The following NUP214 variants were observed in gnomAD, a reference collection of about 807,000 sequenced individuals.
The protein encoded by NUP214 is nucleoporin 214.
NUP214 carries 79 observed loss-of-function variants against 196.2 expected under a neutral mutation model. That is an observed-to-expected ratio of 0.40 (90% CI 0.34 to 0.49). The LOEUF (loss-of-function observed/expected upper bound fraction) is 0.49. NUP214 is among the 20% of genes least tolerant of loss of function. The probability of loss-of-function intolerance (pLI) is 0.58; values close to 1 mark genes in which losing one functional copy is unlikely to be tolerated. For missense variants in NUP214, 2,468 were observed against 2,539.0 expected, an observed-to-expected ratio of 0.97 and a Z score of 0.60; for synonymous variants, 1,020 against 990.5, an observed-to-expected ratio of 1.03 and a Z score of -0.56.
At position 131,159,498 on chromosome 9, in the gene NUP214, C is replaced by A; in HGVS notation, c.2540+12C>A. ...AAGAAAAAACAAAGGTGAATGAGAT[C>A]TCTCATCTGCAATGTGTTGGAATAG... On this transcript the variant is annotated intron_variant, in intron 18 of 35. Coordinates refer to ENST00000359428, the MANE Select transcript of NUP214 (RefSeq NM_005085.4). 6.4e-7 allele frequency: 1 copy of A among 1,560,690 alleles called. No individual in the cohort carries two copies. The highest frequency in any genetic ancestry group is 8.8e-7 in the Non-Finnish European group (1 of 1,131,756).
chr9:131,171,316 A>T (rs868478001), intron 21 of NUP214, among the ~76,000 whole-genome samples: 1 of 152,222 alleles, frequency 6.6e-6, no homozygotes, highest in Non-Finnish European at 1.5e-5. Flanking sequence ...TGGAGGTTAC[A>T]TAGTTATTCC....
At chr9:131,132,548 G>A (rs1311940448) in intron 5 of NUP214, 48 bp from the exon 6 acceptor site, 1 of 1,507,284 alleles carries the variant, frequency 6.6e-7, no homozygotes, top group Non-Finnish European at 9.2e-7. Context: ...GATTGGTTTA[G>A]GATTTGTTTC....
At chr9:131,144,160 T>C in intron 11 of NUP214, 120 bp from the exon 12 acceptor site, 1 of 811,296 alleles carries the variant, frequency 1.2e-6, no homozygotes, top group Non-Finnish European at 2.0e-6. Flanking sequence ...TCTTTTTGCT[T>C]CTTAAACTAG....
intron 24 of NUP214, among the ~76,000 whole-genome samples, chr9:131,185,553 T>C (rs1340913833): frequency 1.3e-5 from 2 of 152,368 alleles, no homozygotes; most frequent in East Asian, 3.9e-4. Context: ...ACCTAAGATA[T>C]GGATACTTCT....
chr9:131,215,892 A>G (rs1291926783), intron 31 of NUP214, among the ~76,000 whole-genome samples: 1 of 146,724 alleles, frequency 6.8e-6, no homozygotes, highest in Non-Finnish European at 1.5e-5. Flanking sequence ...TACTTTCTTT[A>G]GCTAATTTTT....
In NUP214 at chr9:131,178,366, G is replaced by T; in HGVS notation, c.3375G>T (p.Val1125=). Residue 1125 remains valine, a synonymous_variant, in exon 24 of 36, where the codon GTG becomes GTT. Coordinates refer to ENST00000359428, the MANE Select transcript of NUP214 (RefSeq NM_005085.4). ...AGAATGTCCCTCAAGTGGTAAATGT[G>T]CAGGAATTGAAGAATAACCCTGCAA... ...TLKNVPQVVN[V]QELKNNPATP... 1 of 1,614,068 alleles carries T rather than the reference G, an allele frequency of 6.2e-7. No individual in the cohort carries two copies. The highest frequency in any genetic ancestry group is 8.5e-7 in the Non-Finnish European group (1 of 1,179,944).
At chr9:131,165,097 G>A (rs1832750479) in intron 21 of NUP214, 1 of 152,114 alleles carries the variant, frequency 6.6e-6, no homozygotes, top group South Asian at 2.1e-4. Context: ...CTCTTGGTAG[G>A]TAATTGGGAA....
Position 131,184,133 on chromosome 9 carries a change from C to T in NUP214, c.3420-3156C>T, listed in dbSNP as rs528582608. On this transcript the variant is annotated intron_variant, in intron 24 of 35. Transcript: ENST00000359428. ...CCAACCTCCGCCTCTCAGGTTCAAG[C>T]GATTCTCCTGCCTCAGCCTCCTGAG... Among the ~76,000 whole-genome samples, 3 of 144,970 alleles carry T rather than the reference C, an allele frequency of 2.1e-5. No homozygotes were observed. The South Asian group carries it at 6.5e-4, about 31-fold the overall frequency.
At chr9:131,164,765 T>C (rs1347855768) in intron 21 of NUP214, 1 of 152,150 alleles carries the variant, frequency 6.6e-6, no homozygotes, top group African/African-American at 2.4e-5. Flanking sequence ...AAATACTTAC[T>C]TAAAAATACT....
chr9:131,179,639 C>G (rs1361978940), intron 24 of NUP214, among the ~76,000 whole-genome samples: 2 of 152,176 alleles, frequency 1.3e-5, no homozygotes, highest in African/African-American at 4.8e-5. Flanking sequence ...GCAGATCTGC[C>G]CACGGTTCTG....
chr9:131,163,487 A>G (rs1414013323), intron 19 of NUP214, among the ~76,000 whole-genome samples: 1 of 152,132 alleles, frequency 6.6e-6, no homozygotes, highest in Non-Finnish European at 1.5e-5. Flanking sequence ...AAATCAGCTG[A>G]TAGGATTAAG....
chr9:131,134,088 A>G (rs1434220584), intron 7 of NUP214, among the ~76,000 whole-genome samples: 2 of 152,162 alleles, frequency 1.3e-5, no homozygotes, highest in East Asian at 3.8e-4. Context: ...TTGGGACCAC[A>G]GGCATGCACC....
chr9:131,181,945 C>G (rs942923068), intron 24 of NUP214, among the ~76,000 whole-genome samples: 1 of 152,154 alleles, frequency 6.6e-6, no homozygotes, highest in Non-Finnish European at 1.5e-5. Flanking sequence ...GGTTTTAGCT[C>G]TTATATCTAG....
chr9:131,175,003 G>A (rs1180596325), intron 22 of NUP214, among the ~76,000 whole-genome samples: 2 of 152,156 alleles, frequency 1.3e-5, no homozygotes, highest in Admixed American at 6.5e-5. Flanking sequence ...GCTCATTTCA[G>A]CCTGACTTGT....
At chr9:131,165,658 G>A (rs1056367615) in intron 21 of NUP214, among the ~76,000 whole-genome samples, 10 of 152,226 alleles carry the variant, frequency 6.6e-5, no homozygotes, top group Admixed American at 6.5e-5. Context: ...AGGTTTCAAA[G>A]AGATACTTTT....
At chr9:131,157,644 G>GT (rs1380379204) in intron 17 of NUP214, among the ~76,000 whole-genome samples, 1 of 150,718 alleles carries the variant, frequency 6.6e-6, no homozygotes. Context: ...TTTGTTTTTT[G>GT]TTTTTTGTGT....
chr9:131,179,738 G>T (rs1162771510), intron 24 of NUP214, among the ~76,000 whole-genome samples: 7 of 152,086 alleles, frequency 4.6e-5, no homozygotes. Context: ...CTTGTTTGAG[G>T]AATTTTTAGT....
intron 32 of NUP214, among the ~76,000 whole-genome samples, chr9:131,224,289 C>G (rs1265265593): frequency 6.6e-6 from 1 of 152,108 alleles, no homozygotes; most frequent in African/African-American, 2.4e-5. Flanking sequence ...AAAACATGTA[C>G]TTCATTTCTG....
Position 131,232,214 on chromosome 9 carries a change from T to C in NUP214, c.6215-70T>C, listed in dbSNP as rs1188300521. ...AAGAAGCACAGAGGAGGGCAGACACTTAGCATGGGGACCACCTTTGTCTTT... is the reference window on the plus strand; with the variant it reads ...AAGAAGCACAGAGGAGGGCAGACACCTAGCATGGGGACCACCTTTGTCTTT... On this transcript the variant is annotated intron_variant, in intron 34 of 35. Transcript: ENST00000359428. The surrounding 1 kb of genome is among the most constrained non-coding windows in gnomAD (Gnocchi z 5.1). 2.5e-5 allele frequency: 39 copies of C among 1,560,936 alleles called. No individual in the cohort carries two copies. The South Asian group carries it at 3.0e-4, about 12-fold the overall frequency.
Sources: gnomAD v4.1 joint callset for allele counts (sites outside exome capture counted in the v4.1 genomes callset) on GRCh38, gnomAD v4.1.1 for gene constraint, Gnocchi (gnomAD v3.1) non-coding constraint, MANE v1.5 for transcripts, NCBI Gene and HGNC (gene_info 2026-07-23, HGNC 2026-07-21) for gene names.